Variants in GRIP1 observed in about 807,000 individuals in gnomAD.
GRIP1 encodes glutamate receptor-interacting protein 1.
Under a neutral mutation model 129.9 loss-of-function variants are expected in GRIP1, and 45 were observed. The ratio of observed to expected loss-of-function variants is 0.35; its 90% CI spans 0.27 to 0.44. The LOEUF (loss-of-function observed/expected upper bound fraction) is 0.44, where lower values mean the gene tolerates loss of function less well. Ranked by LOEUF, GRIP1 falls within the 20% of genes least tolerant of loss-of-function variation. The pLI is 1.00. For missense variants in GRIP1, 1,196 were observed against 1,396.8 expected, an observed-to-expected ratio of 0.86 and a Z score of 2.29; for synonymous variants, 530 against 520.8, an observed-to-expected ratio of 1.02 and a Z score of -0.24.
At chr12:66,863,040 G>C (rs887214639) in intron 1 of GRIP1, among the ~76,000 whole-genome samples, 3 of 151,582 alleles carry the variant, frequency 2.0e-5, no homozygotes, top group African/African-American at 7.3e-5. Context: ...TTCAGAAAAA[G>C]GAATAATGTT....
intron 15 of GRIP1, chr12:66,407,470 A>T (rs937515321): frequency 2.0e-5 from 3 of 152,338 alleles, no homozygotes; most frequent in Non-Finnish European, 4.4e-5. Context: ...TGAACTGATG[A>T]TGCCGGCCCC....
At chr12:66,774,949 C>T (rs1013914671) in intron 1 of GRIP1, among the ~76,000 whole-genome samples, 1 of 152,106 alleles carries the variant, frequency 6.6e-6, no homozygotes, top group Non-Finnish European at 1.5e-5. Flanking sequence ...GTACTTGGGG[C>T]TGTCTCTTAC....
At chr12:66,785,362 A>ATATATATATATATATATG (rs1566021161) in intron 1 of GRIP1, among the ~76,000 whole-genome samples, 1 of 144,324 alleles carries the variant, frequency 6.9e-6, no homozygotes, top group Non-Finnish European at 1.5e-5. Flanking sequence ...ATATATATAT[A>ATATATATATATATATATG]TTAGTTGGGC....
intron 1 of GRIP1, among the ~76,000 whole-genome samples, chr12:66,746,821 A>T (rs999678007): frequency 6.6e-6 from 1 of 152,250 alleles, no homozygotes; most frequent in African/African-American, 2.4e-5. Context: ...TGCTAATCCA[A>T]ATGGATTTCT....
At chr12:66,489,006 G>T (rs2060033404) in intron 7 of GRIP1, among the ~76,000 whole-genome samples, 1 of 152,048 alleles carries the variant, frequency 6.6e-6, no homozygotes, top group Admixed American at 6.6e-5. Context: ...AAATATCCAG[G>T]ACCAGACAGA....
chr12:66,791,920 T>C (rs1196632433), intron 1 of GRIP1, among the ~76,000 whole-genome samples: 1 of 152,128 alleles, frequency 6.6e-6, no homozygotes, highest in Non-Finnish European at 1.5e-5. Flanking sequence ...ACATGCAGCA[T>C]TTGATTTGCC....
Position 66,348,268 on chromosome 12 carries a change from T to C in GRIP1, c.*751A>G, listed in dbSNP as rs2054066245. ...CTTGAATTTTAAAAATAAGATAATA[T>C]AACTAATTCTCATGTTTACTACACA... On this transcript the variant is annotated 3_prime_UTR_variant, in exon 25 of 25. Coordinates refer to ENST00000359742, the MANE Select transcript of GRIP1 (RefSeq NM_001366722.1). The C allele has an allele frequency of 6.6e-6, 1 of 151,876 alleles. No individual in the cohort carries two copies. The highest frequency in any genetic ancestry group is 1.5e-5 in the Non-Finnish European group (1 of 68,026). The allele number at this position is 151,876 out of a possible 1,614,324, so 9.4% of individuals were successfully genotyped here.
chr12:67,009,029 C>G (rs2042667351), intron 1 of GRIP1, among the ~76,000 whole-genome samples: 1 of 152,052 alleles, frequency 6.6e-6, no homozygotes, highest in Non-Finnish European at 1.5e-5. Flanking sequence ...TTTCAAGGGC[C>G]TAAGCAATTG....
chr12:67,031,954 C>T (rs993309924), intron 1 of GRIP1, among the ~76,000 whole-genome samples: 4 of 152,136 alleles, frequency 2.6e-5, no homozygotes, highest in Admixed American at 1.3e-4. Context: ...TTCCCTCCTC[C>T]GTGCCTTGGG....
chr12:66,996,170 C>T (rs1020584417), intron 1 of GRIP1, among the ~76,000 whole-genome samples: 3 of 151,742 alleles, frequency 2.0e-5, no homozygotes, highest in South Asian at 2.1e-4. Context: ...TAAGGAGTGA[C>T]TACTTAATGG....
At chr12:66,627,503 G>A (rs1000973424) in intron 1 of GRIP1, among the ~76,000 whole-genome samples, 3 of 152,192 alleles carry the variant, frequency 2.0e-5, no homozygotes, top group Non-Finnish European at 4.4e-5. Context: ...AGTGTAGTTG[G>A]GGAGGGTGAG....
At chr12:66,605,805 T>C (rs940456295) in intron 1 of GRIP1, among the ~76,000 whole-genome samples, 2 of 152,188 alleles carry the variant, frequency 1.3e-5, no homozygotes, top group Admixed American at 1.3e-4. Context: ...TCACCACTGC[T>C]GAGAAATTTC....
rs560382668 is a variant in GRIP1 at position 67,051,850 on chromosome 12, C to T, written c.58+17200G>A. 4.6e-5 allele frequency among the ~76,000 whole-genome samples: 7 copies of T among 152,334 alleles called. No individual in the cohort carries two copies. In the East Asian group the frequency reaches 1.2e-3, roughly 25 times the overall value. ...TGTTGAAACAAAATCCAAATCATCA[C>T]ATCTTTGCAGGTTCTCTATACTGAA... On this transcript the variant is annotated intron_variant, in intron 1 of 1. Transcript: ENST00000643019.
intron 6 of GRIP1, among the ~76,000 whole-genome samples, chr12:66,517,135 T>A: frequency 6.6e-6 from 1 of 152,158 alleles, no homozygotes; most frequent in East Asian, 1.9e-4. Context: ...ACAGGAGGAA[T>A]CAGTGCATTT....
intron 2 of GRIP1, among the ~76,000 whole-genome samples, chr12:66,585,999 G>T (rs115572517): frequency 1.1e-3 from 167 of 152,056 alleles, no homozygotes; most frequent in African/African-American, 4.0e-3. Flanking sequence ...TATATCATCC[G>T]CATCAGCACA....
intron 23 of GRIP1, among the ~76,000 whole-genome samples, chr12:66,367,208 T>G (rs1299280467): frequency 2.0e-5 from 3 of 152,140 alleles, no homozygotes; most frequent in African/African-American, 7.2e-5. Context: ...AGAGAATCTG[T>G]GATAAGCTGT....
At chr12:66,814,808 G>A (rs1321590128) in intron 1 of GRIP1, among the ~76,000 whole-genome samples, 1 of 145,152 alleles carries the variant, frequency 6.9e-6, no homozygotes, top group African/African-American at 2.6e-5. Flanking sequence ...GGAGGCCTCA[G>A]GAAACTTTCA....
intron 1 of GRIP1, among the ~76,000 whole-genome samples, chr12:66,886,961 A>G (rs988716181): frequency 2.0e-5 from 3 of 152,222 alleles, no homozygotes; most frequent in Non-Finnish European, 4.4e-5. Flanking sequence ...GAGCTATACG[A>G]GAGGTCTATG....
At chr12:66,805,047 C>T (rs1339357681), upstream of GRIP1, among the ~76,000 whole-genome samples, 3 of 152,036 alleles carry the variant, frequency 2.0e-5, no homozygotes, top group African/African-American at 7.2e-5. Context: ...AACAGCATAC[C>T]ATAATCAGCA....
Sources: allele counts gnomAD v4.1 joint callset (sites outside exome capture counted in the v4.1 genomes callset), GRCh38; gene constraint gnomAD v4.1.1; transcripts MANE v1.5; gene names NCBI Gene and HGNC (gene_info 2026-07-23, HGNC 2026-07-21).